Variants in CDKAL1 observed in about 807,000 individuals in gnomAD.
CDKAL1 encodes the protein threonylcarbamoyladenosine tRNA methylthiotransferase.
A neutral mutation model predicts 68.2 loss-of-function variants in CDKAL1; 32 were observed. The ratio of observed to expected loss-of-function variants is 0.47; its 90% CI spans 0.35 to 0.63. CDKAL1 has a LOEUF of 0.63. Ranked by LOEUF, CDKAL1 falls within the 30% of genes least tolerant of loss-of-function variation. CDKAL1 has a pLI of 0.00. For missense variants in CDKAL1, 606 were observed against 696.7 expected (o/e 0.87, Z 1.47); for synonymous variants, 234 against 244.3 (o/e 0.96, Z 0.39).
At chr6:20,880,459 G>A (rs1345207989) in intron 9 of CDKAL1, among the ~76,000 whole-genome samples, 1 of 152,072 alleles carries the variant, frequency 6.6e-6, no homozygotes, top group East Asian at 1.9e-4. Context: ...GTTTCACCAT[G>A]TTGGCCAGGA....
At chr6:20,662,684 C>G (rs1283053135) in intron 5 of CDKAL1, among the ~76,000 whole-genome samples, 1 of 152,118 alleles carries the variant, frequency 6.6e-6, no homozygotes, top group Non-Finnish European at 1.5e-5. Flanking sequence ...CAGTGATTGA[C>G]AGTGATAGTT....
At chr6:21,186,835 T>TA (rs1376462949) in intron 13 of CDKAL1, among the ~76,000 whole-genome samples, 2 of 152,166 alleles carry the variant, frequency 1.3e-5, no homozygotes, top group Non-Finnish European at 2.9e-5. Flanking sequence ...GTTAAATTTT[T>TA]AAAAACAACA....
intron 5 of CDKAL1, among the ~76,000 whole-genome samples, chr6:20,730,049 G>A (rs1037707975): frequency 6.6e-6 from 1 of 152,182 alleles, no homozygotes; most frequent in Non-Finnish European, 1.5e-5. Flanking sequence ...GCCTGGCACA[G>A]TGGCTCATGC....
intron 4 of CDKAL1, among the ~76,000 whole-genome samples, chr6:20,607,350 G>A (rs1260179045): frequency 6.6e-6 from 1 of 152,112 alleles, no homozygotes; most frequent in Non-Finnish European, 1.5e-5. Context: ...AATTTTAAGT[G>A]CATATTTTAA....
At chr6:21,103,101 T>G (rs969211221) in intron 12 of CDKAL1, among the ~76,000 whole-genome samples, 3 of 152,246 alleles carry the variant, frequency 2.0e-5, no homozygotes, top group African/African-American at 7.2e-5. Flanking sequence ...GTCCATAGTC[T>G]TATTATAGCT....
At chr6:21,146,850 C>CAAA (rs1194653980) in intron 13 of CDKAL1, among the ~76,000 whole-genome samples, 39 of 77,984 alleles carry the variant, frequency 5.0e-4, no homozygotes, top group Non-Finnish European at 6.6e-4. Context: ...GACTCCGTCT[C>CAAA]AAAAAAAAAA....
At chr6:20,940,550 C>T (rs1436126767) in intron 9 of CDKAL1, among the ~76,000 whole-genome samples, 1 of 152,108 alleles carries the variant, frequency 6.6e-6, no homozygotes, top group Non-Finnish European at 1.5e-5. Flanking sequence ...AATTTGTAAT[C>T]AATTTCTTTT....
intron 15 of CDKAL1, among the ~76,000 whole-genome samples, chr6:21,207,426 C>G (rs1018687167): frequency 6.6e-6 from 1 of 151,872 alleles, no homozygotes. Flanking sequence ...CTTGGGAGGC[C>G]GAGGTGGGAG....
At chr6:21,146,130 A>G (rs2151041948) in intron 13 of CDKAL1, among the ~76,000 whole-genome samples, 1 of 152,316 alleles carries the variant, frequency 6.6e-6, no homozygotes, top group African/African-American at 2.4e-5. Flanking sequence ...GACTGCATGC[A>G]CTACAGTTGC....
intron 13 of CDKAL1, among the ~76,000 whole-genome samples, chr6:21,170,653 C>A (rs1341394822): frequency 1.3e-5 from 2 of 151,988 alleles, no homozygotes; most frequent in African/African-American, 2.4e-5. Context: ...TAAATATTTT[C>A]TTTCTTATTA....
At chr6:21,211,735 A>G (rs1200081095) in intron 15 of CDKAL1, among the ~76,000 whole-genome samples, 1 of 152,102 alleles carries the variant, frequency 6.6e-6, no homozygotes, top group African/African-American at 2.4e-5. Context: ...AGAAGTTTCT[A>G]TCATGCATGT....
chr6:20,987,090 C>G (rs1442994796), intron 10 of CDKAL1, among the ~76,000 whole-genome samples: 1 of 152,146 alleles, frequency 6.6e-6, no homozygotes, highest in Non-Finnish European at 1.5e-5. Context: ...ATTGGTTTAA[C>G]TTCACTGACT....
chr6:20,737,734 T>C (rs1405874833), intron 5 of CDKAL1, among the ~76,000 whole-genome samples: 4 of 152,242 alleles, frequency 2.6e-5, no homozygotes, highest in Non-Finnish European at 4.4e-5. Flanking sequence ...GGATGTGTTA[T>C]GCAATCTACC....
chr6:20,890,156 A>T (rs1206429388), intron 9 of CDKAL1, among the ~76,000 whole-genome samples: 1 of 152,270 alleles, frequency 6.6e-6, no homozygotes, highest in African/African-American at 2.4e-5. Flanking sequence ...TCACACAGTG[A>T]CAAAACACCT....
rs1002227589 is a variant in CDKAL1, at chr6:20,990,661, G to A, written c.910-9566G>A. ...CGCTCCCTCATTCACTTTCTGATGCGATTAATGAAAATGTATTAGTAATTG... is the reference window on the plus strand; with the variant it reads ...CGCTCCCTCATTCACTTTCTGATGCAATTAATGAAAATGTATTAGTAATTG... On this transcript the variant is annotated intron_variant, in intron 10 of 15. Coordinates refer to ENST00000274695, the MANE Select transcript of CDKAL1 (RefSeq NM_017774.3). Among the ~76,000 whole-genome samples, 6 of 152,178 alleles carry A rather than the reference G, an allele frequency of 3.9e-5. No individual in the cohort carries two copies. In the East Asian group the frequency reaches 5.8e-4, roughly 15 times the overall value.
At position 20,955,902 on chromosome 6, in the gene CDKAL1, C is replaced by T. The variant is rs943789273; in HGVS notation, c.909+317C>T. Among the ~76,000 whole-genome samples the T allele has an allele frequency of 3.3e-5, 5 of 152,158 alleles. No homozygotes were observed. In the East Asian group the frequency reaches 9.6e-4, roughly 29 times the overall value. ...CCTCAGTTCCTCCATTTTGACCGCTCGTCTGATTCAGAACTGCTAATGTGT... is the reference window on the plus strand; with the variant it reads ...CCTCAGTTCCTCCATTTTGACCGCTTGTCTGATTCAGAACTGCTAATGTGT... On this transcript the variant is annotated intron_variant, in intron 10 of 15. Transcript: ENST00000274695.
chr6:20,862,434 G>A (rs1001146714), intron 9 of CDKAL1, among the ~76,000 whole-genome samples: 4 of 152,128 alleles, frequency 2.6e-5, no homozygotes, highest in African/African-American at 4.8e-5. Context: ...TAAGGATAAA[G>A]CATACTTACT....
intron 10 of CDKAL1, among the ~76,000 whole-genome samples, chr6:20,961,549 C>T (rs1341550883): frequency 1.3e-5 from 2 of 152,156 alleles, no homozygotes; most frequent in Non-Finnish European, 2.9e-5. Flanking sequence ...GGGTGGATCA[C>T]GAGGTCAGGA....
intron 9 of CDKAL1, among the ~76,000 whole-genome samples, chr6:20,877,183 T>C (rs1760563293): frequency 1.3e-5 from 2 of 152,164 alleles, no homozygotes; most frequent in Admixed American, 1.3e-4. Flanking sequence ...GCAGGCAGTG[T>C]TGTAAAATGT....
Sources: gnomAD v4.1 joint callset for allele counts (sites outside exome capture counted in the v4.1 genomes callset) on GRCh38, gnomAD v4.1.1 for gene constraint, MANE v1.5 for transcripts, NCBI Gene and HGNC (gene_info 2026-07-23, HGNC 2026-07-21) for gene names.